The following CNTNAP2 variants were observed in gnomAD, a reference collection of about 807,000 sequenced individuals.
CNTNAP2 encodes contactin-associated protein-like 2.
Under a neutral mutation model 155.2 loss-of-function variants are expected in CNTNAP2, and 98 were observed. That is an observed-to-expected ratio of 0.63 (90% confidence interval 0.54 to 0.75). The LOEUF (loss-of-function observed/expected upper bound fraction) is 0.75. CNTNAP2 is among the 30% of genes least tolerant of loss of function. The probability of loss-of-function intolerance (pLI) is 0.00; values close to 1 mark genes in which losing one functional copy is unlikely to be tolerated. For synonymous variants in CNTNAP2, 651 were observed against 631.2 expected (o/e 1.03, Z -0.47); for missense variants, 1,727 against 1,688.1 (o/e 1.02, Z -0.40).
At chr7:146,975,227 G>T (rs1797886341) in intron 3 of CNTNAP2, among the ~76,000 whole-genome samples, 1 of 152,030 alleles carries the variant, frequency 6.6e-6, no homozygotes, top group East Asian at 1.9e-4. Context: ...CAGTTTGGGA[G>T]GCCGAGGTGG....
rs534853319 is a variant in CNTNAP2 at position 146,247,825 on chromosome 7, G to T, written c.97+130852G>T. On this transcript the variant is annotated intron_variant, in intron 1 of 23. Coordinates refer to ENST00000361727, the MANE Select transcript of CNTNAP2 (RefSeq NM_014141.6). The stretch of plus-strand genomic sequence containing the variant: ...TAAAGGAGAAGAAGGAGGAATGGAG[G>T]GTGGATGGTTGCCCATAGTGAAGGA... 2.0e-5 allele frequency among the ~76,000 whole-genome samples: 3 copies of T among 152,250 alleles called. No individual in the cohort carries two copies. In the East Asian group the frequency reaches 5.8e-4, roughly 29 times the overall value.
chr7:146,975,748 G>A (rs1797897271), intron 3 of CNTNAP2, among the ~76,000 whole-genome samples: 1 of 152,162 alleles, frequency 6.6e-6, no homozygotes, highest in Admixed American at 6.6e-5. Context: ...AGGTGCCAGA[G>A]CACACATTAG....
intron 8 of CNTNAP2, among the ~76,000 whole-genome samples, chr7:147,228,985 C>T (rs1803614756): frequency 6.6e-6 from 1 of 152,058 alleles, no homozygotes; most frequent in Non-Finnish European, 1.5e-5. Context: ...GAGACATGAA[C>T]TCATCCTTTT....
intron 3 of CNTNAP2, among the ~76,000 whole-genome samples, chr7:146,845,210 C>T (rs1323035814): frequency 1.3e-5 from 2 of 152,128 alleles, no homozygotes; most frequent in Non-Finnish European, 2.9e-5. Context: ...CACGTATTCC[C>T]TACTTTCTTT....
chr7:146,397,871 C>CTTTTTTTTTTTTTTTTTTTTTTTTTTT (rs1438446898), intron 1 of CNTNAP2, among the ~76,000 whole-genome samples: 1 of 126,914 alleles, frequency 7.9e-6, no homozygotes, highest in African/African-American at 3.4e-5. Flanking sequence ...ATTTGACAGG[C>CTTTTTTTTTTTTTTTTTTTTTTTTTTT]TTTTATTTAT....
chr7:147,671,091 T>C (rs895101928), intron 13 of CNTNAP2, among the ~76,000 whole-genome samples: 5 of 152,174 alleles, frequency 3.3e-5, no homozygotes, highest in African/African-American at 1.2e-4. Context: ...CCATGAGTGG[T>C]GGAGCACAGC....
At chr7:147,658,391 CTG>C (rs1563041817) in intron 13 of CNTNAP2, among the ~76,000 whole-genome samples, 1 of 151,978 alleles carries the variant, frequency 6.6e-6, no homozygotes. Context: ...GTCTGTGAGA[CTG>C]AAATCCATAA....
At chr7:146,952,878 A>G (rs10246313) in intron 3 of CNTNAP2, among the ~76,000 whole-genome samples, 4,099 of 152,162 alleles carry the variant, frequency 0.027, 187 homozygotes, top group African/African-American at 0.093. Context: ...TTATAGACAG[A>G]ATCATAGGAA....
At chr7:148,109,021 A>G (rs892371387) in intron 15 of CNTNAP2, among the ~76,000 whole-genome samples, 6 of 152,222 alleles carry the variant, frequency 3.9e-5, no homozygotes, top group African/African-American at 1.4e-4. Context: ...GGCTCAGGGG[A>G]AAAGCCTCAG....
chr7:148,290,382 T>C (rs1362117547), intron 21 of CNTNAP2, among the ~76,000 whole-genome samples: 1 of 152,230 alleles, frequency 6.6e-6, no homozygotes, highest in African/African-American at 2.4e-5. Flanking sequence ...GATTGTTCTA[T>C]TCCTGTGCAA....
chr7:147,443,730 T>C (rs999491591), intron 10 of CNTNAP2, among the ~76,000 whole-genome samples: 1 of 152,200 alleles, frequency 6.6e-6, no homozygotes, highest in African/African-American at 2.4e-5. Flanking sequence ...CATGGGTAAG[T>C]GTGTGTAGAG....
chr7:146,217,477 C>T (rs777881293), intron 1 of CNTNAP2, among the ~76,000 whole-genome samples: 1 of 152,122 alleles, frequency 6.6e-6, no homozygotes, highest in African/African-American at 2.4e-5. Flanking sequence ...AGGTAATAAA[C>T]ATAGTACCCA....
intron 21 of CNTNAP2, among the ~76,000 whole-genome samples, chr7:148,333,049 A>T (rs757391839): frequency 6.6e-6 from 1 of 151,990 alleles, no homozygotes; most frequent in East Asian, 1.9e-4. Context: ...CTCCCCTGCC[A>T]CTCTTAACAG....
chr7:146,148,028 T>A (rs1479950815), intron 1 of CNTNAP2, among the ~76,000 whole-genome samples: 1 of 152,156 alleles, frequency 6.6e-6, no homozygotes, highest in Non-Finnish European at 1.5e-5. Context: ...CTTATAGGAC[T>A]GTGCTTTATC....
At chr7:148,168,772 T>G (rs1358649204) in intron 17 of CNTNAP2, among the ~76,000 whole-genome samples, 1 of 152,178 alleles carries the variant, frequency 6.6e-6, no homozygotes, top group Non-Finnish European at 1.5e-5. Context: ...CTTTTCAAAC[T>G]CTCAATCATT....
At chr7:148,346,463 G>A (rs970752914) in intron 21 of CNTNAP2, among the ~76,000 whole-genome samples, 4 of 152,266 alleles carry the variant, frequency 2.6e-5, no homozygotes, top group East Asian at 1.9e-4. Flanking sequence ...TAATGATTGC[G>A]ATTTTTGCCA....
At chr7:146,221,190 C>T (rs1425640572) in intron 1 of CNTNAP2, among the ~76,000 whole-genome samples, 1 of 152,076 alleles carries the variant, frequency 6.6e-6, no homozygotes, top group Non-Finnish European at 1.5e-5. Flanking sequence ...TTTTTTCTTT[C>T]CCACATCCTC....
Position 146,996,499 on chromosome 7 carries a change from T to G in CNTNAP2, c.403-47408T>G, listed in dbSNP as rs150949534. Among the ~76,000 whole-genome samples the G allele has an allele frequency of 2.0e-5, 3 of 152,236 alleles. No homozygotes were observed. The East Asian group carries it at 5.8e-4, about 29-fold the overall frequency. On this transcript the variant is annotated intron_variant, in intron 3 of 23. Transcript: ENST00000361727. ...AAAGGAGATTATTTTCTTGATTTCT[T>G]TTTCAGGTAGTTTACTGTTAGTGTA...
At chr7:148,084,010 G>A (rs74889716) in intron 15 of CNTNAP2, among the ~76,000 whole-genome samples, 2 of 152,124 alleles carry the variant, frequency 1.3e-5, no homozygotes, top group African/African-American at 2.4e-5. Context: ...TCACAGATCC[G>A]TCTGTTTCCA....
Sources: allele counts gnomAD v4.1 joint callset (sites outside exome capture counted in the v4.1 genomes callset), GRCh38; gene constraint gnomAD v4.1.1; transcripts MANE v1.5; gene names NCBI Gene and HGNC (gene_info 2026-07-23, HGNC 2026-07-21).